Variants in EYA2 observed in about 807,000 individuals in gnomAD.
EYA2 encodes the protein EYA transcriptional coactivator and phosphatase 2, also known as protein phosphatase EYA2.
In EYA2, 31 loss-of-function variants were observed where a neutral mutation model predicts 69.2. That is an observed-to-expected ratio of 0.45 (90% CI 0.34 to 0.60). The LOEUF (loss-of-function observed/expected upper bound fraction) is 0.60. EYA2 is among the 20% of genes least tolerant of loss of function. The pLI, the probability that EYA2 is intolerant of heterozygous loss-of-function variation, is 0.02. For synonymous variants in EYA2, 257 were observed against 279.4 expected (o/e 0.92, Z 0.80); for missense variants, 622 against 701.2 (o/e 0.89, Z 1.28).
chr20:47,091,930 G>A (rs964535063), intron 8 of EYA2, among the ~76,000 whole-genome samples: 4 of 152,180 alleles, frequency 2.6e-5, no homozygotes, highest in African/African-American at 9.7e-5. Context: ...ATTCCAAGAA[G>A]ACAGTATCCC....
At chr20:47,145,384 T>C (rs550609430) in intron 10 of EYA2, among the ~76,000 whole-genome samples, 4 of 152,076 alleles carry the variant, frequency 2.6e-5, no homozygotes, top group African/African-American at 9.6e-5. Flanking sequence ...TGAAGGCCCC[T>C]GGGATCAGAG....
chr20:46,984,404 A>G (rs1427298596), intron 1 of EYA2, among the ~76,000 whole-genome samples: 7 of 152,120 alleles, frequency 4.6e-5, no homozygotes, highest in African/African-American at 1.7e-4. Context: ...TAGAAAACCC[A>G]GTAGAAAAAT....
chr20:46,918,846 T>G (rs1205165338), intron 1 of EYA2, among the ~76,000 whole-genome samples: 1 of 152,260 alleles, frequency 6.6e-6, no homozygotes, highest in African/African-American at 2.4e-5. Context: ...TATGGCCTTA[T>G]GAAATGCATT....
In EYA2 at chr20:47,054,430, C is replaced by T. The variant is rs75920737; in HGVS notation, c.416-17755C>T. 2.5e-3 allele frequency among the ~76,000 whole-genome samples: 384 copies of T among 152,292 alleles called. 1 individual carries two copies. The highest frequency in any genetic ancestry group is 0.014 in the Middle Eastern group (4 of 294). Reference sequence around the variant, plus strand: ...AAAATATTTGTCGAATTCATGAATCCGTCAGTTTCACTGATTCCGTTCAGC... The same window carrying T: ...AAAATATTTGTCGAATTCATGAATCTGTCAGTTTCACTGATTCCGTTCAGC... On this transcript the variant is annotated intron_variant, in intron 5 of 15. Coordinates refer to ENST00000327619, the MANE Select transcript of EYA2 (RefSeq NM_005244.5).
Position 47,188,055 on chromosome 20 carries a change from C to A in EYA2, c.1539C>A (p.His513Gln). ...GVEEEQGAKKHNMPFWRISCH... is the reference protein window; with the variant it reads ...GVEEEQGAKKQNMPFWRISCH... ...GTGGCTGGTGTTCTGTGTTTCAGCA[C>A]AACATGCCTTTCTGGCGGATATCCT... The change falls in exon 16 of 16, where the codon CAC (histidine) becomes CAA (glutamine). Residue 513 changes from histidine to glutamine, a missense_variant and splice_region_variant. Physicochemically the swap from His to Gln is conservative, Grantham distance 24. This residue lies in a region of EYA2 where 257 missense variants were observed against 351.5 expected (regional missense o/e 0.73). Coordinates refer to ENST00000327619, the MANE Select transcript of EYA2 (RefSeq NM_005244.5). The A allele has an allele frequency of 6.4e-7, 1 of 1,567,054 alleles. No homozygotes were observed. Among genetic ancestry groups the A allele is most frequent in the East Asian group, 2.4e-5 (1 of 42,346 alleles).
At chr20:47,017,600 G>A (rs537548592) in intron 5 of EYA2, among the ~76,000 whole-genome samples, 1 of 152,278 alleles carries the variant, frequency 6.6e-6, no homozygotes, top group South Asian at 2.1e-4. Flanking sequence ...TGTAGGGAAA[G>A]CAGGTGATAA....
intron 7 of EYA2, among the ~76,000 whole-genome samples, chr20:47,085,971 AT>A (rs1449076589): frequency 4.6e-5 from 7 of 152,326 alleles, no homozygotes; most frequent in African/African-American, 1.7e-4. Flanking sequence ...TGTACTCTAA[AT>A]ATGTCTAGTT....
intron 9 of EYA2, among the ~76,000 whole-genome samples, chr20:47,106,496 A>T (rs1051248932): frequency 6.6e-6 from 1 of 152,064 alleles, no homozygotes; most frequent in South Asian, 2.1e-4. Context: ...GTTATATCAG[A>T]CTTCCAGGGA....
rs1373663835 is a variant in EYA2 at position 46,987,974 on chromosome 20, A to C, written c.-10-2027A>C. 4.5e-3 allele frequency among the ~76,000 whole-genome samples: 182 copies of C among 40,360 alleles called. 1 individual carries two copies. The highest frequency in any genetic ancestry group is 9.3e-3 in the African/African-American group (69 of 7,444). The allele number at this position is 40,360 out of a possible 152,430, so 26.5% of individuals were successfully genotyped here. A position where few individuals can be genotyped will look rare whatever the true frequency, so the allele number is the denominator to read the frequency against. On this transcript the variant is annotated intron_variant, in intron 1 of 15. Transcript: ENST00000327619. ...TCTCTCTCTCTCTCTCTATATATAT[A>C]TATATATATATATATATATATATGG... is the stretch of plus-strand genomic sequence containing the variant.
At chr20:47,026,376 C>T (rs1182172555) in intron 5 of EYA2, among the ~76,000 whole-genome samples, 1 of 151,970 alleles carries the variant, frequency 6.6e-6, no homozygotes, top group Admixed American at 6.6e-5. Flanking sequence ...GCTTTTCTAA[C>T]CAGGACTCAG....
intron 5 of EYA2, among the ~76,000 whole-genome samples, chr20:47,044,899 C>G (rs187300938): frequency 5.3e-5 from 8 of 152,224 alleles, no homozygotes; most frequent in Non-Finnish European, 1.0e-4. Flanking sequence ...CTGTACTCAT[C>G]TAGAGAGAGA....
At chr20:47,115,082 TC>T (rs1203147499) in intron 9 of EYA2, among the ~76,000 whole-genome samples, 1 of 152,214 alleles carries the variant, frequency 6.6e-6, no homozygotes, top group Non-Finnish European at 1.5e-5. Context: ...AAAGATACTT[TC>T]GGGCATGCCG....
chr20:47,056,407 A>C (rs1423295985), intron 5 of EYA2, among the ~76,000 whole-genome samples: 1 of 151,658 alleles, frequency 6.6e-6, no homozygotes, highest in Admixed American at 6.6e-5. Flanking sequence ...TATTCCTGTG[A>C]ATTTTTTTAA....
chr20:47,086,314 C>T (rs1190598367), intron 7 of EYA2, among the ~76,000 whole-genome samples: 1 of 152,086 alleles, frequency 6.6e-6, no homozygotes, highest in African/African-American at 2.4e-5. Context: ...GGTGAAACCC[C>T]ATCTCTACTA....
intron 5 of EYA2, among the ~76,000 whole-genome samples, chr20:47,023,188 A>G (rs910496802): frequency 2.6e-5 from 4 of 152,236 alleles, no homozygotes; most frequent in African/African-American, 7.2e-5. Flanking sequence ...TTTCGTGGGA[A>G]CCCACCCAGA....
intron 9 of EYA2, among the ~76,000 whole-genome samples, chr20:47,116,815 C>T (rs1043466574): frequency 6.6e-6 from 1 of 152,136 alleles, no homozygotes; most frequent in Non-Finnish European, 1.5e-5. Context: ...ACTAAGACAT[C>T]GAGGATGTAT....
At chr20:46,912,702 C>CT (rs1295031719) in intron 1 of EYA2, among the ~76,000 whole-genome samples, 29 of 87,258 alleles carry the variant, frequency 3.3e-4, no homozygotes, top group African/African-American at 1.0e-3. Context: ...TTTTTTTTTT[C>CT]TTTTTTTTTG....
intron 10 of EYA2, among the ~76,000 whole-genome samples, chr20:47,168,263 C>T (rs867336052): frequency 6.6e-6 from 1 of 152,022 alleles, no homozygotes. Context: ...GCGATCTCGG[C>T]TCACTACAAC....
intron 3 of EYA2, among the ~76,000 whole-genome samples, chr20:47,004,695 A>G (rs993803416): frequency 1.3e-5 from 2 of 152,160 alleles, no homozygotes; most frequent in Admixed American, 6.5e-5. Flanking sequence ...GGCTTACAGC[A>G]TATCTGCTTA....
Sources: gnomAD v4.1 joint callset for allele counts (sites outside exome capture counted in the v4.1 genomes callset) on GRCh38, gnomAD v4.1.1 for gene constraint, gnomAD v4.1.1 regional missense constraint, MANE v1.5 for transcripts, NCBI Gene and HGNC (gene_info 2026-07-23, HGNC 2026-07-21) for gene names.